Variants in PCDHGB1 observed in about 807,000 individuals in gnomAD.
The protein encoded by PCDHGB1 is protocadherin gamma subfamily B, 1, also known as protocadherin gamma-B1.
A neutral mutation model predicts 56.6 loss-of-function variants in PCDHGB1; 34 were observed. That is an observed-to-expected ratio of 0.60 (90% CI 0.46 to 0.80). PCDHGB1 has a LOEUF of 0.80. PCDHGB1 is among the 30% of genes least tolerant of loss of function. The probability of loss-of-function intolerance (pLI) is 0.00; values close to 1 mark genes in which losing one functional copy is unlikely to be tolerated. For missense variants in PCDHGB1, 1,278 were observed against 1,204.6 expected (o/e 1.06, Z -0.90); for synonymous variants, 561 against 505.9 (o/e 1.11, Z -1.46).
intron 1 of PCDHGB1, chr5:141,372,330 G>C (rs764870915): frequency 1.9e-5 from 31 of 1,613,614 alleles, no homozygotes; most frequent in Non-Finnish European, 2.5e-5. Flanking sequence ...GCTGGTCACT[G>C]TGCGTGATGG....
In PCDHGB1 at chr5:141,383,284, A is replaced by G. The variant is rs760384498; in HGVS notation, c.2409+30615A>G. ...CGTGGAAATAATAGATATTAATGAC[A>G]ACGTTCCAAGATTCTTGACGGAAGA... On this transcript the variant is annotated intron_variant, in intron 1 of 3. Transcript: ENST00000523390. 4 of 1,613,962 alleles carry G rather than the reference A, an allele frequency of 2.5e-6. No homozygotes were observed. In the East Asian group the frequency reaches 8.9e-5, roughly 36 times the overall value.
chr5:141,453,796 T>C (rs1592274016), intron 1 of PCDHGB1, among the ~76,000 whole-genome samples: 1 of 152,242 alleles, frequency 6.6e-6, no homozygotes, highest in East Asian at 1.9e-4. Context: ...ATATTAACTT[T>C]GAGTAGTTCC....
chr5:141,352,666 G>C lies in PCDHGB1; in HGVS notation c.2406G>C (p.Ser802=), dbSNP rs773765365. ...TCGCTTATGACCCTTCTTTGTCTTCGCACGTGAGTTTCTGCAAATCTAGTT... is the reference window on the plus strand; with the variant it reads ...TCGCTTATGACCCTTCTTTGTCTTCCCACGTGAGTTTCTGCAAATCTAGTT... ...HKIAYDPSLS[S]HQAPPNTDWR... The change falls in exon 1 of 4, where the codon TCG becomes TCC. Residue 802 remains serine (S), a synonymous_variant. Coordinates refer to ENST00000523390, the MANE Select transcript of PCDHGB1 (RefSeq NM_018922.3). 52 of 1,585,710 alleles carry C rather than the reference G, an allele frequency of 3.3e-5. No homozygotes were observed. The highest frequency in any genetic ancestry group is 4.4e-5 in the Non-Finnish European group (51 of 1,165,202).
At chr5:141,398,730 C>T (rs200411955) in intron 1 of PCDHGB1, 568 of 1,613,656 alleles carry the variant, frequency 3.5e-4, no homozygotes, top group Non-Finnish European at 4.6e-4. Context: ...AAACCTTAGA[C>T]CGGGAACAAC....
Position 141,489,160 on chromosome 5 carries a change from C to A in PCDHGB1, c.2410-5647C>A. 1 of 1,029,962 alleles carries A rather than the reference C, an allele frequency of 9.7e-7. No individual in the cohort carries two copies. The highest frequency in any genetic ancestry group is 1.4e-6 in the Non-Finnish European group (1 of 701,366). 63.8% of individuals were successfully genotyped at this position (1,029,962 alleles called of 1,614,324 possible). ...GGCTGGAAGGAGACATAAGAGACTT[C>A]AGCTGCTGCATTCCAAGCCCTGGGT... On this transcript the variant is annotated intron_variant, in intron 1 of 3. Coordinates refer to ENST00000523390, the MANE Select transcript of PCDHGB1 (RefSeq NM_018922.3). The surrounding 1 kb of genome is among the most constrained non-coding windows in gnomAD (Gnocchi z 4.5).
intron 1 of PCDHGB1, chr5:141,388,657 G>T (rs769160604): frequency 6.8e-6 from 11 of 1,613,878 alleles, no homozygotes; most frequent in Admixed American, 1.7e-5. Context: ...GTGTACCCGG[G>T]GACCACGGTG....
At position 141,370,864 on chromosome 5, in the gene PCDHGB1, C is replaced by T. The variant is rs372472671; in HGVS notation, c.2409+18195C>T. 2.7e-5 allele frequency: 43 copies of T among 1,614,034 alleles called. 1 individual carries two copies. The highest frequency in any genetic ancestry group is 3.6e-5 in the Non-Finnish European group (42 of 1,179,900). On this transcript the variant is annotated intron_variant, in intron 1 of 3. Coordinates refer to ENST00000523390, the MANE Select transcript of PCDHGB1 (RefSeq NM_018922.3). The stretch of plus-strand genomic sequence containing the variant: ...GGAGCCACATTTGCCCTGGAATCTG[C>T]GCAAGATCCTGATGTAGGTGTCAAT...
intron 1 of PCDHGB1, chr5:141,384,536 T>A (rs751421323): frequency 2.5e-6 from 4 of 1,614,086 alleles, no homozygotes; most frequent in Admixed American, 1.7e-5. Flanking sequence ...AGCAGCAACA[T>A]GTCACTGAGC....
chr5:141,421,222 C>G, intron 1 of PCDHGB1: 2 of 1,576,946 alleles, frequency 1.3e-6, no homozygotes, highest in Non-Finnish European at 1.7e-6. Flanking sequence ...CGGCTTAGAG[C>G]CTGCCATGGC....
intron 1 of PCDHGB1, chr5:141,383,917 G>A: frequency 6.2e-7 from 1 of 1,613,928 alleles, no homozygotes; most frequent in Non-Finnish European, 8.5e-7. Flanking sequence ...AGTTTTAGAT[G>A]TAAATGATAA....
At position 141,478,749 on chromosome 5, in the gene PCDHGB1, G is replaced by A. The variant is rs1306895064; in HGVS notation, c.2410-16058G>A. On this transcript the variant is annotated intron_variant, in intron 1 of 3. Coordinates refer to ENST00000523390, the MANE Select transcript of PCDHGB1 (RefSeq NM_018922.3). ...GAGTGTGGTTTGTGGTCCCATTTCA[G>A]GGGGAAGATACTTGACTCATCTGTG... The A allele has an allele frequency of 3.3e-6, 5 of 1,524,326 alleles. No homozygotes were observed. The South Asian group carries it at 6.4e-5, about 19-fold the overall frequency. The allele number at this position is 1,524,326 out of a possible 1,614,324, so 94.4% of individuals were successfully genotyped here.
At chr5:141,443,547 T>C (rs1210940890) in intron 1 of PCDHGB1, among the ~76,000 whole-genome samples, 2 of 152,192 alleles carry the variant, frequency 1.3e-5, no homozygotes, top group Non-Finnish European at 2.9e-5. Context: ...TGGGAAATTG[T>C]TCCAATTCAA....
chr5:141,483,903 G>C (rs1167942546), intron 1 of PCDHGB1, among the ~76,000 whole-genome samples: 1 of 151,282 alleles, frequency 6.6e-6, no homozygotes, highest in Admixed American at 6.6e-5. Context: ...GCTCTGGTGT[G>C]TTTCCCACTC....
intron 1 of PCDHGB1, chr5:141,400,326 T>A: frequency 6.2e-7 from 1 of 1,614,104 alleles, no homozygotes; most frequent in Non-Finnish European, 8.5e-7. Flanking sequence ...AGTCTGGACC[T>A]GTGGTTCCCC....
rs374131113 is a variant in PCDHGB1 at position 141,366,708 on chromosome 5, T to C, written c.2409+14039T>C. ...TGTGAGAAAAGCGAGCCTCTTCTGATGTCTGATAAGGTAGATGCAAACAAA... is the reference window on the plus strand; with the variant it reads ...TGTGAGAAAAGCGAGCCTCTTCTGACGTCTGATAAGGTAGATGCAAACAAA... On this transcript the variant is annotated intron_variant, in intron 1 of 3. Coordinates refer to ENST00000523390, the MANE Select transcript of PCDHGB1 (RefSeq NM_018922.3). 3.3e-5 allele frequency: 54 copies of C among 1,614,238 alleles called. No homozygotes were observed. In the African/African-American group the frequency reaches 5.9e-4, roughly 18 times the overall value.
At chr5:141,500,295 G>A (rs911106966) in intron 2 of PCDHGB1, among the ~76,000 whole-genome samples, 2 of 151,282 alleles carry the variant, frequency 1.3e-5, no homozygotes, top group African/African-American at 4.9e-5. Flanking sequence ...TGCAAGCTCC[G>A]CCTCCCAGGT....
At chr5:141,457,953 C>G (rs12188170) in intron 1 of PCDHGB1, among the ~76,000 whole-genome samples, 6,291 of 152,286 alleles carry the variant, frequency 0.041, 196 homozygotes, top group Admixed American at 0.075. Context: ...GCATGTCAAG[C>G]TTGATTCCTT....
intron 1 of PCDHGB1, chr5:141,388,015 G>A (rs2091197688): frequency 6.8e-7 from 1 of 1,467,954 alleles, no homozygotes; most frequent in South Asian, 1.3e-5. Context: ...ATGCCCAAGG[G>A]CTCCGTAGTG....
chr5:141,370,887 A>G, intron 1 of PCDHGB1: 1 of 1,614,024 alleles, frequency 6.2e-7, no homozygotes, highest in South Asian at 1.1e-5. Context: ...TGTAGGTGTC[A>G]ATTCGCTGCA....
Sources: gnomAD v4.1 joint callset for allele counts (sites outside exome capture counted in the v4.1 genomes callset) on GRCh38, gnomAD v4.1.1 for gene constraint, Gnocchi (gnomAD v3.1) non-coding constraint, MANE v1.5 for transcripts, NCBI Gene and HGNC (gene_info 2026-07-23, HGNC 2026-07-21) for gene names.